DPYD: variants seen among roughly 807,000 people sequenced by gnomAD.
DPYD encodes the protein dihydropyrimidine dehydrogenase.
DPYD carries 109 observed loss-of-function variants against 116.2 expected under a neutral mutation model. The observed-to-expected ratio is 0.94, with a 90% CI of 0.80 to 1.10. DPYD has a LOEUF of 1.10. DPYD is among the 50% of genes least tolerant of loss of function. DPYD has a pLI of 0.00. For missense variants in DPYD, 1,302 were observed against 1,254.5 expected (o/e 1.04, Z -0.57); for synonymous variants, 440 against 432.0 (o/e 1.02, Z -0.23).
At chr1:97,598,720 C>T (rs2102270391) in intron 8 of DPYD, among the ~76,000 whole-genome samples, 1 of 152,254 alleles carries the variant, frequency 6.6e-6, no homozygotes, top group South Asian at 2.1e-4. Flanking sequence ...ACTCTAAATG[C>T]CTGGCCCCCA....
chr1:97,190,917 CCAGA>C lies in DPYD; in HGVS notation c.2622+2148_2622+2151del, dbSNP rs540362836. ...AACAAAATTTTCCTGTGTAAAGAAGCCAGATACTTCTAGAGTGTCTTTCTACAAA... is the reference window on the plus strand; with the variant it reads ...AACAAAATTTTCCTGTGTAAAGAAGCTACTTCTAGAGTGTCTTTCTACAAA... On this transcript the variant is annotated intron_variant, in intron 20 of 22. Coordinates refer to ENST00000370192, the MANE Select transcript of DPYD (RefSeq NM_000110.4). 9.7e-4 allele frequency among the ~76,000 whole-genome samples: 147 copies of C among 152,168 alleles called. 1 individual carries two copies. The highest frequency in any genetic ancestry group is 3.4e-3 in the Middle Eastern group (1 of 294).
At position 97,323,135 on chromosome 1, in the gene DPYD, T is replaced by G. The variant is rs11165838; in HGVS notation, c.2059-16838A>C. 2.0e-5 allele frequency among the ~76,000 whole-genome samples: 3 copies of G among 149,416 alleles called. 1 individual carries two copies. Among genetic ancestry groups the G allele is most frequent in the South Asian group, 4.2e-4 (2 of 4,774 alleles). ...TATATGCATATATATGTGTGTGTGT[T>G]TATGTATAGGCATATATATGTGTAA... is the stretch of plus-strand genomic sequence containing the variant. On this transcript the variant is annotated intron_variant, in intron 16 of 22. Transcript: ENST00000370192.
chr1:97,207,385 T>C (rs1327389409), intron 19 of DPYD, among the ~76,000 whole-genome samples: 4 of 152,322 alleles, frequency 2.6e-5, no homozygotes, highest in Non-Finnish European at 4.4e-5. Context: ...ATTTCAAGGA[T>C]GCAGGGAGTA....
chr1:97,286,242 T>C (rs1401119156), intron 18 of DPYD, among the ~76,000 whole-genome samples: 1 of 152,276 alleles, frequency 6.6e-6, no homozygotes, highest in East Asian at 1.9e-4. Context: ...ATGTTGAATA[T>C]TGGCCCCCAC....
rs186405597 is a variant in DPYD at position 97,411,810 on chromosome 1, T to C, written c.1906-29349A>G. Among the ~76,000 whole-genome samples, 12 of 152,308 alleles carry C rather than the reference T, an allele frequency of 7.9e-5. No individual in the cohort carries two copies. The East Asian group carries it at 1.7e-3, about 22-fold the overall frequency. ...GACCTTTTTCAAAGTGATTGGAACCTTTCTGGTATAGACGTTAAACAGCAT... is the reference window on the plus strand; with the variant it reads ...GACCTTTTTCAAAGTGATTGGAACCCTTCTGGTATAGACGTTAAACAGCAT... On this transcript the variant is annotated intron_variant, in intron 14 of 22. Transcript: ENST00000370192.
intron 18 of DPYD, among the ~76,000 whole-genome samples, chr1:97,266,612 G>T (rs1422162796): frequency 1.3e-5 from 2 of 152,086 alleles, no homozygotes; most frequent in African/African-American, 4.8e-5. Flanking sequence ...CATGTGCCAT[G>T]TTGGTTTGCT....
At chr1:97,819,462 A>T (rs1251119755) in intron 3 of DPYD, among the ~76,000 whole-genome samples, 2 of 151,826 alleles carry the variant, frequency 1.3e-5, no homozygotes, top group Admixed American at 6.6e-5. Context: ...TTTGAAAATT[A>T]AAAAAAAGTT....
intron 18 of DPYD, among the ~76,000 whole-genome samples, chr1:97,256,159 T>C (rs1663445901): frequency 6.6e-6 from 1 of 152,128 alleles, no homozygotes; most frequent in Non-Finnish European, 1.5e-5. Flanking sequence ...ATTATTTCCC[T>C]CCAGGATGTC....
chr1:97,266,693 T>C (rs1315039438), intron 18 of DPYD, among the ~76,000 whole-genome samples: 1 of 151,930 alleles, frequency 6.6e-6, no homozygotes, highest in Non-Finnish European at 1.5e-5. Context: ...CCCCACCTCA[T>C]GACAGGCCCC....
intron 16 of DPYD, among the ~76,000 whole-genome samples, chr1:97,334,308 A>G (rs1221993623): frequency 2.0e-5 from 3 of 152,194 alleles, no homozygotes; most frequent in Non-Finnish European, 2.9e-5. Context: ...TAAATTTGAC[A>G]GTAAAATGCC....
intron 12 of DPYD, among the ~76,000 whole-genome samples, chr1:97,542,200 A>G (rs1650499225): frequency 6.6e-6 from 1 of 152,118 alleles, no homozygotes; most frequent in Non-Finnish European, 1.5e-5. Flanking sequence ...CATTTTTCCT[A>G]TATAATCTCT....
At chr1:97,659,207 G>C (rs1232956686) in intron 8 of DPYD, among the ~76,000 whole-genome samples, 1 of 152,106 alleles carries the variant, frequency 6.6e-6, no homozygotes, top group Non-Finnish European at 1.5e-5. Flanking sequence ...TGATCTTTGT[G>C]AAGTCAAGAA....
chr1:97,552,770 A>G (rs1651418197), intron 11 of DPYD, among the ~76,000 whole-genome samples: 1 of 152,052 alleles, frequency 6.6e-6, no homozygotes, highest in Non-Finnish European at 1.5e-5. Flanking sequence ...ATTTTCTTTC[A>G]TATTAAAAAT....
intron 2 of DPYD, among the ~76,000 whole-genome samples, chr1:97,833,021 G>C (rs1237836418): frequency 6.0e-5 from 9 of 149,170 alleles, no homozygotes; most frequent in African/African-American, 2.2e-4. Context: ...AGAACAGCTA[G>C]CAAATTACAT....
At chr1:97,828,292 T>C in intron 2 of DPYD, 96 bp from the exon 3 acceptor site, 1 of 1,139,726 alleles carries the variant, frequency 8.8e-7, no homozygotes, top group Non-Finnish European at 1.3e-6. Context: ...ATATTGATCA[T>C]GGACTCATGA....
At chr1:97,718,181 G>A (rs1052697072) in intron 5 of DPYD, among the ~76,000 whole-genome samples, 2 of 151,810 alleles carry the variant, frequency 1.3e-5, no homozygotes, top group African/African-American at 4.8e-5. Context: ...TAAGGTGGTA[G>A]TGCATTCTGG....
intron 18 of DPYD, among the ~76,000 whole-genome samples, chr1:97,289,523 C>T (rs1377328083): frequency 6.6e-6 from 1 of 151,410 alleles, no homozygotes; most frequent in Non-Finnish European, 1.5e-5. Flanking sequence ...GGATGCAAGG[C>T]TGGTTCAACA....
chr1:97,719,957 T>G, intron 5 of DPYD: 1 of 984,994 alleles, frequency 1.0e-6, no homozygotes, highest in African/African-American at 1.7e-5. Context: ...GTGTGACCAC[T>G]CTCAAATTTT....
intron 14 of DPYD, among the ~76,000 whole-genome samples, chr1:97,399,088 T>A (rs1673193591): frequency 6.6e-6 from 1 of 152,228 alleles, no homozygotes; most frequent in African/African-American, 2.4e-5. Context: ...AGGTCTAACA[T>A]GTAAGTCTTT....
Sources: gnomAD v4.1 joint callset for allele counts (sites outside exome capture counted in the v4.1 genomes callset) on GRCh38, gnomAD v4.1.1 for gene constraint, MANE v1.5 for transcripts, NCBI Gene and HGNC (gene_info 2026-07-23, HGNC 2026-07-21) for gene names.